The following NUMA1 variants were observed in gnomAD, a reference collection of about 807,000 sequenced individuals.
The protein encoded by NUMA1 is nuclear mitotic apparatus protein 1, also known as SP-H antigen.
In NUMA1, 62 loss-of-function variants were observed where a neutral mutation model predicts 237.1. That is an observed-to-expected ratio of 0.26 (90% CI 0.21 to 0.32). The LOEUF is 0.32. NUMA1 is among the 10% of genes least tolerant of loss of function. The probability of loss-of-function intolerance (pLI) is 1.00; values close to 1 mark genes in which losing one functional copy is unlikely to be tolerated. For missense variants in NUMA1, 2,533 were observed against 2,666.5 expected, an observed-to-expected ratio of 0.95 and a Z score of 1.10; for synonymous variants, 1,028 against 1,066.1, an observed-to-expected ratio of 0.96 and a Z score of 0.70.
At chr11:72,027,575 C>T (rs1040056547) in intron 4 of NUMA1, among the ~76,000 whole-genome samples, 10 of 151,302 alleles carry the variant, frequency 6.6e-5, no homozygotes, top group South Asian at 2.1e-4. Flanking sequence ...GAGGTGGTGT[C>T]GAGTGGGGAG....
At chr11:72,071,427 T>C (rs977154144) in intron 1 of NUMA1, among the ~76,000 whole-genome samples, 9 of 152,126 alleles carry the variant, frequency 5.9e-5, no homozygotes, top group African/African-American at 2.2e-4. Context: ...ACAAATGCTA[T>C]GAAAGACAAA....
At chr11:72,039,450 T>A (rs1432164916) in intron 2 of NUMA1, among the ~76,000 whole-genome samples, 3 of 152,174 alleles carry the variant, frequency 2.0e-5, no homozygotes, top group Admixed American at 1.3e-4. Context: ...TACCTCAAGA[T>A]AACACCAAAG....
In NUMA1 at chr11:72,014,956, C is replaced by T. The variant is rs377529491; in HGVS notation, c.2547G>A (p.Leu849=). 2 of 1,614,142 alleles carry T rather than the reference C, an allele frequency of 1.2e-6. No individual in the cohort carries two copies. The highest frequency in any genetic ancestry group is 2.2e-5 in the South Asian group (2 of 91,090). Reference sequence around the variant, plus strand: ...CTGCCACCTTCTCCTTTGCCTCCTGCAGCTCCTGGCGGGCCTTCTCACATT... The same window carrying T: ...CTGCCACCTTCTCCTTTGCCTCCTGTAGCTCCTGGCGGGCCTTCTCACATT... ...KEECEKARQE[L]QEAKEKVAGI... is the part of the protein sequence containing the mutation. Residue 849 remains leucine, a synonymous_variant, in exon 15 of 27, where the codon CTG becomes CTA. Transcript: ENST00000393695. This position sits in a 1 kb window ranked among gnomAD's most constrained non-coding sequence, Gnocchi z 4.6.
chr11:72,066,015 A>C (rs1010827638), intron 2 of NUMA1: 1 of 152,364 alleles, frequency 6.6e-6, no homozygotes, highest in African/African-American at 2.4e-5. Context: ...TTAAGAATAG[A>C]CAAGACCGGG....
chr11:72,057,227 A>T (rs183182088), intron 2 of NUMA1, among the ~76,000 whole-genome samples: 5 of 152,328 alleles, frequency 3.3e-5, no homozygotes, highest in Admixed American at 6.5e-5. Context: ...GCCTTCATTT[A>T]AGTTATTAAA....
Position 72,035,984 on chromosome 11 carries a change from C to A in NUMA1, c.-32-9G>T, listed in dbSNP as rs983641504. The A allele has an allele frequency of 6.2e-7, 1 of 1,604,348 alleles. No individual in the cohort carries two copies. The highest frequency in any genetic ancestry group is 1.1e-5 in the South Asian group (1 of 90,814). On this transcript the variant is annotated splice_polypyrimidine_tract_variant and intron_variant, in intron 2 of 26. Coordinates refer to ENST00000393695, the MANE Select transcript of NUMA1 (RefSeq NM_006185.4). ...CAGTCACTCCAATGCGCCTGGAACC[C>A]AAGAGAGGAAGAAAAGCAGTTAATC...
At position 72,013,121 on chromosome 11, in the gene NUMA1, C is replaced by T. The variant is rs1956261282; in HGVS notation, c.4382G>A (p.Gly1461Asp). 1 of 1,614,190 alleles carries T rather than the reference C, an allele frequency of 6.2e-7. No individual in the cohort carries two copies. Among genetic ancestry groups the T allele is most frequent in the Non-Finnish European group, 8.5e-7 (1 of 1,180,038 alleles). ...NRGLGERANLGRQFLEVELDQ... is the reference protein window; with the variant it reads ...NRGLGERANLDRQFLEVELDQ... ...CAACTCCACTTCCAGAAACTGCCGG[C>T]CAAGGTTGGCCCGCTCACCCAGCCC... The change falls in exon 15 of 27, where the codon GGC becomes GAC. Residue 1461 changes from glycine to aspartate, a missense_variant. Coordinates refer to ENST00000393695, the MANE Select transcript of NUMA1 (RefSeq NM_006185.4). This position sits in a 1 kb window ranked among gnomAD's most constrained non-coding sequence, Gnocchi z 6.8.
Position 72,014,862 on chromosome 11 carries a change from G to T in NUMA1, c.2641C>A (p.Leu881Met). 2 of 1,614,258 alleles carry T rather than the reference G, an allele frequency of 1.2e-6. No individual in the cohort carries two copies. Among genetic ancestry groups the T allele is most frequent in the South Asian group, 2.2e-5 (2 of 91,086 alleles). Reference sequence around the variant, plus strand: ...TGGACCTGCTGGAGTGCTCTGGCCAGGTTGGCATGGAGCTCAGCTAGTTCG... The same window carrying T: ...TGGACCTGCTGGAGTGCTCTGGCCATGTTGGCATGGAGCTCAGCTAGTTCG... ...QNELAELHAN[L>M]ARALQQVQEK... The change falls in exon 15 of 27, where the codon CTG (leucine) becomes ATG (methionine). Residue 881 changes from leucine (L) to methionine (M), a missense_variant. Transcript: ENST00000393695. This position sits in a 1 kb window ranked among gnomAD's most constrained non-coding sequence, Gnocchi z 4.6.
At chr11:72,049,709 G>C (rs1256179569) in intron 2 of NUMA1, among the ~76,000 whole-genome samples, 7 of 149,134 alleles carry the variant, frequency 4.7e-5, no homozygotes, top group Admixed American at 1.4e-4. Context: ...TGTAGTCCTG[G>C]CAACTTGGGA....
intron 21 of NUMA1, among the ~76,000 whole-genome samples, chr11:72,006,679 C>T (rs1463032221): frequency 6.6e-6 from 1 of 152,214 alleles, no homozygotes; most frequent in African/African-American, 2.4e-5. Context: ...TCCAAACTTC[C>T]AGGGCCCTTA....
At position 72,004,347 on chromosome 11, in the gene NUMA1, G is replaced by A. The variant is rs1227982595; in HGVS notation, c.6007-6C>T. The A allele has an allele frequency of 6.8e-6, 11 of 1,609,834 alleles. No homozygotes were observed. Among genetic ancestry groups the A allele is most frequent in the Non-Finnish European group, 8.5e-6 (10 of 1,177,838 alleles). On this transcript the variant is annotated splice_polypyrimidine_tract_variant and splice_region_variant and intron_variant, in intron 24 of 26. Coordinates refer to ENST00000393695, the MANE Select transcript of NUMA1 (RefSeq NM_006185.4). ...CAGCTGGTGGCCTTCTTAGACTATG[G>A]AGAAGAGGACAGTTAGGCAGACAGT...
chr11:72,032,580 T>C (rs1171642518), intron 3 of NUMA1, among the ~76,000 whole-genome samples: 1 of 152,250 alleles, frequency 6.6e-6, no homozygotes, highest in Non-Finnish European at 1.5e-5. Flanking sequence ...GTTCCTTTCA[T>C]GGATATAAAA....
intron 5 of NUMA1, chr11:72,023,941 C>A: frequency 3.7e-6 from 1 of 269,042 alleles, no homozygotes; most frequent in Non-Finnish European, 7.1e-6. Flanking sequence ...GGGAAAGAGA[C>A]TCATTCTCTC....
chr11:72,047,317 A>G (rs1942057446), intron 2 of NUMA1, among the ~76,000 whole-genome samples: 1 of 151,980 alleles, frequency 6.6e-6, no homozygotes, highest in Non-Finnish European at 1.5e-5. Flanking sequence ...CGAGATCCCC[A>G]TCTCTACAAA....
rs3750912 is a variant in NUMA1 at position 72,015,166 on chromosome 11, C to T, written c.2337G>A (p.Gln779=). ...ARLQQLGEAH[Q]AETEVLRREL... ...CCCGCCGCAGGACTTCAGTCTCAGC[C>T]TGATGGGCCTCCCCAAGCTGCTGTA... is the stretch of plus-strand genomic sequence containing the variant. The change falls in exon 15 of 27, where the codon CAG becomes CAA. Residue 779 remains glutamine (Q), a synonymous_variant. Coordinates refer to ENST00000393695, the MANE Select transcript of NUMA1 (RefSeq NM_006185.4). This position sits in a 1 kb window ranked among gnomAD's most constrained non-coding sequence, Gnocchi z 4.0. The T allele has an allele frequency of 0.012, 19,879 of 1,613,496 alleles. 319 individuals carry two copies. Among genetic ancestry groups the T allele is most frequent in the African/African-American group, 0.064 (4,771 of 75,066 alleles).
At chr11:72,045,131 A>AT (rs1398329494) in intron 2 of NUMA1, among the ~76,000 whole-genome samples, 2 of 152,102 alleles carry the variant, frequency 1.3e-5, no homozygotes, top group African/African-American at 4.8e-5. Context: ...GTGATCCCCC[A>AT]TAACACCTAG....
chr11:72,018,188 A>G lies in NUMA1; in HGVS notation c.973T>C (p.Phe325Leu). The change falls in exon 12 of 27, where the codon TTT becomes CTT. Residue 325 changes from phenylalanine (F) to leucine (L), a missense_variant. By Grantham distance (22) the Phe-to-Leu change is conservative. Around this residue, in one of 3 missense-constraint regions of NUMA1, gnomAD observed 1,414 missense variants for 1,508.1 expected, o/e 0.94. Coordinates refer to ENST00000393695, the MANE Select transcript of NUMA1 (RefSeq NM_006185.4). ...QLSEENGDLSFKLREFASHLQ... is the reference protein window; with the variant it reads ...QLSEENGDLSLKLREFASHLQ... ...CACACCACCTTAACACCCACCTTAAAGGAAAGGTCTCCATTCTCCTCCGAA... is the reference window on the plus strand; with the variant it reads ...CACACCACCTTAACACCCACCTTAAGGGAAAGGTCTCCATTCTCCTCCGAA... The G allele has an allele frequency of 6.2e-7, 1 of 1,611,394 alleles. No homozygotes were observed. Among genetic ancestry groups the G allele is most frequent in the Non-Finnish European group, 8.5e-7 (1 of 1,177,460 alleles).
intron 2 of NUMA1, among the ~76,000 whole-genome samples, chr11:72,058,180 C>T (rs1942765793): frequency 6.6e-6 from 1 of 152,134 alleles, no homozygotes; most frequent in Non-Finnish European, 1.5e-5. Context: ...TGAAGCAATA[C>T]AAAGTTAGAT....
In NUMA1 at chr11:72,021,188, G is replaced by A; in HGVS notation, c.460+16C>T. On this transcript the variant is annotated intron_variant, in intron 8 of 26. Transcript: ENST00000393695. Reference sequence around the variant, plus strand: ...TTCAGAGATGAGGGGATTCTCAGGAGTGTGTACCTACTTACCTTTCTGTAG... The same window carrying A: ...TTCAGAGATGAGGGGATTCTCAGGAATGTGTACCTACTTACCTTTCTGTAG... 1.9e-6 allele frequency: 3 copies of A among 1,590,716 alleles called. No homozygotes were observed. The South Asian group carries it at 3.3e-5, about 18-fold the overall frequency.
Sources: allele counts gnomAD v4.1 joint callset (sites outside exome capture counted in the v4.1 genomes callset), GRCh38; gene constraint gnomAD v4.1.1; regional missense constraint gnomAD v4.1.1; non-coding constraint Gnocchi (gnomAD v3.1); transcripts MANE v1.5; gene names NCBI Gene and HGNC (gene_info 2026-07-23, HGNC 2026-07-21).